IQSEC1: variants seen among roughly 807,000 people sequenced by gnomAD.
IQSEC1 encodes the protein IQ motif and SEC7 domain-containing protein 1.
IQSEC1 carries 31 observed loss-of-function variants against 91.0 expected under a neutral mutation model. The ratio of observed to expected loss-of-function variants is 0.34; its 90% CI spans 0.26 to 0.46. IQSEC1 has a LOEUF of 0.46. Ranked by LOEUF, IQSEC1 falls within the 20% of genes least tolerant of loss-of-function variation. The pLI is 1.00. For missense variants in IQSEC1, 1,388 were observed against 1,575.6 expected (o/e 0.88, Z 2.02); for synonymous variants, 699 against 662.6 (o/e 1.05, Z -0.84).
intron 2 of IQSEC1, among the ~76,000 whole-genome samples, chr3:12,939,109 C>G (rs991778894): frequency 2.6e-5 from 4 of 152,238 alleles, no homozygotes; most frequent in Admixed American, 6.5e-5. Flanking sequence ...ACAGCAGCTT[C>G]TGCTCTCCCG....
chr3:12,924,438 G>C lies in IQSEC1; in HGVS notation c.1730+143C>G. 1 of 804,172 alleles carries C rather than the reference G, an allele frequency of 1.2e-6. No individual in the cohort carries two copies. Among genetic ancestry groups the C allele is most frequent in the Non-Finnish European group, 1.9e-6 (1 of 526,882 alleles). 49.8% of individuals were successfully genotyped at this position (804,172 alleles called of 1,614,324 possible). ...TGGGGCATCTGCATGTGTGTGTCTAGGACTTAGGAAGAGAGAAAGGGGGGC... is the reference window on the plus strand; with the variant it reads ...TGGGGCATCTGCATGTGTGTGTCTACGACTTAGGAAGAGAGAAAGGGGGGC... On this transcript the variant is annotated intron_variant, in intron 4 of 13. Transcript: ENST00000613206. The surrounding 1 kb of genome is among the most constrained non-coding windows in gnomAD (Gnocchi z 6.3).
In IQSEC1 at chr3:12,924,142, A is replaced by G. The variant is rs567806211; in HGVS notation, c.1730+439T>C. Among the ~76,000 whole-genome samples the G allele has an allele frequency of 4.6e-5, 7 of 152,314 alleles. No homozygotes were observed. The South Asian group carries it at 1.4e-3, about 32-fold the overall frequency. ...GGGGTGAGTCAGGAGCAAACAGGGC[A>G]TGCAGTCCATGCAGGAGGACAACAG... On this transcript the variant is annotated intron_variant, in intron 4 of 13. Coordinates refer to ENST00000613206, the MANE Select transcript of IQSEC1 (RefSeq NM_001134382.3). This position sits in a 1 kb window ranked among gnomAD's most constrained non-coding sequence, Gnocchi z 6.3.
chr3:13,029,540 A>G (rs1703760029), intron 1 of IQSEC1, among the ~76,000 whole-genome samples: 1 of 152,166 alleles, frequency 6.6e-6, no homozygotes, highest in South Asian at 2.1e-4. Flanking sequence ...CCTTCCTTAG[A>G]CAAAGAAGAA....
chr3:13,113,757 G>A (rs1333827950), intron 2 of IQSEC1, among the ~76,000 whole-genome samples: 2 of 152,240 alleles, frequency 1.3e-5, no homozygotes, highest in Non-Finnish European at 1.5e-5. Flanking sequence ...CAAACGACAG[G>A]AGTGTGCCCG....
At chr3:13,161,895 G>A (rs570400445) in intron 2 of IQSEC1, among the ~76,000 whole-genome samples, 7 of 152,284 alleles carry the variant, frequency 4.6e-5, no homozygotes, top group African/African-American at 7.2e-5. Flanking sequence ...CCCCTGCAAC[G>A]CAGAGGCCAT....
chr3:12,941,595 G>C lies in IQSEC1; in HGVS notation c.294C>G (p.Leu98=), dbSNP rs770674225. ...CCTGCTTGTCCTGCAGGTCCGAGGA[G>C]AGCTCATAGCTCTCGGAGAGTGAGC... ...RSRSLSESYE[L]SSDLQDKQVE... Residue 98 remains leucine (L), a synonymous_variant, in exon 2 of 14, where the codon CTC becomes CTG. Transcript: ENST00000613206. 6 of 1,596,026 alleles carry C rather than the reference G, an allele frequency of 3.8e-6. No individual in the cohort carries two copies. The South Asian group carries it at 6.7e-5, about 18-fold the overall frequency.
rs777045414 is a variant in IQSEC1, at chr3:12,935,548, T to C, written c.1468A>G (p.Thr490Ala). Residue 490 changes from threonine (T) to alanine (A), a missense_variant, in exon 3 of 14, where the codon ACC (threonine) becomes GCC (alanine). Thr to Ala is a moderately conservative substitution (Grantham distance 58). Around this residue, in one of 2 missense-constraint regions of IQSEC1, gnomAD observed 1,059 missense variants for 1,317.8 expected, o/e 0.80. Transcript: ENST00000613206. The surrounding 1 kb of genome is among the most constrained non-coding windows in gnomAD (Gnocchi z 8.0). The part of the protein sequence containing the change: ...SLREQTLSKQ[T>A]YHKEARNSWD... ...CTGTTGCGGGCCTCCTTGTGGTAGG[T>C]CTGCTTGCTGAGCGTCTGCTCCCGC... is the stretch of plus-strand genomic sequence containing the variant. 3 of 1,613,842 alleles carry C rather than the reference T, an allele frequency of 1.9e-6. No individual in the cohort carries two copies. The highest frequency in any genetic ancestry group is 2.7e-5 in the African/African-American group (2 of 74,938).
rs115713365 is a variant in IQSEC1, at chr3:13,281,856, G to A, written c.272+855C>T. On this transcript the variant is annotated intron_variant, in intron 1 of 15. Transcript: ENST00000648114. The stretch of plus-strand genomic sequence containing the variant: ...GATCCCGAAGACAGAGAGGCAGAGG[G>A]GCAGGCAGAGGGCACAGAGCAGCAG... Among the ~76,000 whole-genome samples, 444 of 152,298 alleles carry A rather than the reference G, an allele frequency of 2.9e-3. 3 individuals carry two copies. The highest frequency in any genetic ancestry group is 0.01 in the African/African-American group (419 of 41,560).
Position 13,121,757 on chromosome 3 carries a change from C to T in IQSEC1, c.302+42347G>A, listed in dbSNP as rs375596747. 1.5e-4 allele frequency among the ~76,000 whole-genome samples: 23 copies of T among 152,308 alleles called. No individual in the cohort carries two copies. The East Asian group carries it at 4.1e-3, about 27-fold the overall frequency. On this transcript the variant is annotated intron_variant, in intron 2 of 15. Coordinates refer to the IQSEC1 transcript ENST00000648114. ...CAGTTCCAGGACCACAGCAAGGAGG[C>T]GCTCCATGGTCGCTGGAGCAACAGG...
chr3:12,939,410 C>T (rs1013512768), intron 2 of IQSEC1, among the ~76,000 whole-genome samples: 3 of 152,236 alleles, frequency 2.0e-5, no homozygotes, highest in African/African-American at 4.8e-5. Flanking sequence ...GACAGAAAGC[C>T]ACTGGAGGGC....
chr3:12,924,454 A>C lies in IQSEC1; in HGVS notation c.1730+127T>G. ...GTGTGTCTAGGACTTAGGAAGAGAG[A>C]AAGGGGGGCCCACCACATGTCCCAG... On this transcript the variant is annotated intron_variant, in intron 4 of 13. Coordinates refer to ENST00000613206, the MANE Select transcript of IQSEC1 (RefSeq NM_001134382.3). This position sits in a 1 kb window ranked among gnomAD's most constrained non-coding sequence, Gnocchi z 6.3. The C allele has an allele frequency of 1.0e-6, 1 of 956,564 alleles. No homozygotes were observed. The allele number at this position is 956,564 out of a possible 1,614,324, so 59.3% of individuals were successfully genotyped here.
intron 3 of IQSEC1, among the ~76,000 whole-genome samples, chr3:12,927,768 C>T (rs925893538): frequency 8.5e-5 from 13 of 152,184 alleles, no homozygotes; most frequent in African/African-American, 2.7e-4. Flanking sequence ...TGGGCCCCTG[C>T]GGGTGCAGCT....
chr3:13,247,822 T>TC (rs1478947565), intron 1 of IQSEC1, among the ~76,000 whole-genome samples: 1 of 151,958 alleles, frequency 6.6e-6, no homozygotes, highest in Admixed American at 6.6e-5. Context: ...CAGGCACTGT[T>TC]CCCCACTGCA....
At chr3:13,219,066 C>A (rs552182464) in intron 1 of IQSEC1, among the ~76,000 whole-genome samples, 3 of 152,290 alleles carry the variant, frequency 2.0e-5, no homozygotes, top group East Asian at 1.9e-4. Flanking sequence ...AGTCTCCCAG[C>A]GGATCTGGCA....
chr3:13,140,721 T>C (rs1401984677), intron 2 of IQSEC1, among the ~76,000 whole-genome samples: 2 of 152,172 alleles, frequency 1.3e-5, no homozygotes, highest in African/African-American at 4.8e-5. Context: ...ATAAGCCCCA[T>C]GTTGCAGGGC....
chr3:13,010,527 C>T (rs186423837), intron 1 of IQSEC1, among the ~76,000 whole-genome samples: 43 of 152,170 alleles, frequency 2.8e-4, no homozygotes, highest in East Asian at 3.9e-4. Flanking sequence ...AAAGGCTGTC[C>T]GGGAATGAAG....
intron 1 of IQSEC1, among the ~76,000 whole-genome samples, chr3:13,249,551 C>T (rs1347995767): frequency 6.6e-6 from 1 of 152,152 alleles, no homozygotes. Flanking sequence ...TCATGCTCAT[C>T]GGCTTATGTT....
At chr3:13,209,410 A>G (rs1249575956) in intron 1 of IQSEC1, among the ~76,000 whole-genome samples, 1 of 152,330 alleles carries the variant, frequency 6.6e-6, no homozygotes, top group Admixed American at 6.5e-5. Flanking sequence ...AGCTAAACCA[A>G]TAGCCAATAT....
In IQSEC1 at chr3:12,908,437, G is replaced by T; in HGVS notation, c.2667C>A (p.Ser889Arg). Residue 889 changes from serine (S) to arginine (R), a missense_variant, in exon 12 of 14, where the codon AGC (serine) becomes AGA (arginine). Ser to Arg is a moderately radical substitution (Grantham distance 110). Coordinates refer to ENST00000613206, the MANE Select transcript of IQSEC1 (RefSeq NM_001134382.3). This position sits in a 1 kb window ranked among gnomAD's most constrained non-coding sequence, Gnocchi z 4.9. ...LKKESGNGTL[S>R]RACLDDSYAS... is the part of the protein sequence containing the mutation. ...CATAGCTGTCGTCCAGGCAGGCCCG[G>T]CTCAGTGTTCCGTTGCCCGACTCCT... 6.2e-7 allele frequency: 1 copy of T among 1,613,478 alleles called. No individual in the cohort carries two copies.
Sources: allele counts gnomAD v4.1 joint callset (sites outside exome capture counted in the v4.1 genomes callset), GRCh38; gene constraint gnomAD v4.1.1; regional missense constraint gnomAD v4.1.1; non-coding constraint Gnocchi (gnomAD v3.1); transcripts MANE v1.5; gene names NCBI Gene and HGNC (gene_info 2026-07-23, HGNC 2026-07-21).